CPA6: variants seen among roughly 807,000 people sequenced by gnomAD.
CPA6 encodes the protein carboxypeptidase A6, also known as carboxypeptidase B.
CPA6 carries 58 observed loss-of-function variants against 63.3 expected under a neutral mutation model. The observed-to-expected ratio is 0.92, with a 90% CI of 0.74 to 1.14. The LOEUF (loss-of-function observed/expected upper bound fraction) is 1.14, where lower values mean the gene tolerates loss of function less well. Among genes scored for constraint, CPA6 ranks in the 50% most tolerant of loss-of-function variants. The probability of loss-of-function intolerance (pLI) is 0.00; values close to 1 mark genes in which losing one functional copy is unlikely to be tolerated. For synonymous variants in CPA6, 185 were observed against 179.0 expected, an observed-to-expected ratio of 1.03 and a Z score of -0.27; for missense variants, 565 against 526.6, an observed-to-expected ratio of 1.07 and a Z score of -0.71.
chr8:67,645,136 C>T (rs944718320), intron 1 of CPA6, among the ~76,000 whole-genome samples: 4 of 152,156 alleles, frequency 2.6e-5, no homozygotes, highest in African/African-American at 7.2e-5. Context: ...CACCGCAAGC[C>T]TGAGGTAGGA....
chr8:67,707,454 T>C (rs1157974024), intron 1 of CPA6, among the ~76,000 whole-genome samples: 2 of 152,252 alleles, frequency 1.3e-5, no homozygotes, highest in Non-Finnish European at 2.9e-5. Context: ...CTCTACCTGA[T>C]TTCTCTAAAA....
At chr8:67,620,799 G>T (rs557927958) in intron 2 of CPA6, among the ~76,000 whole-genome samples, 4 of 152,178 alleles carry the variant, frequency 2.6e-5, no homozygotes, top group African/African-American at 9.6e-5. Flanking sequence ...TTAGTGAAAG[G>T]AAATGAAGAA....
chr8:67,668,016 T>C (rs10102459), intron 1 of CPA6, among the ~76,000 whole-genome samples: 69,857 of 152,110 alleles, frequency 0.46, 18,933 homozygotes, highest in African/African-American at 0.77. Flanking sequence ...CTTGGGCTGG[T>C]GCTGGTCACA....
intron 1 of CPA6, among the ~76,000 whole-genome samples, chr8:67,653,536 C>G (rs1433907789): frequency 9.2e-5 from 14 of 151,660 alleles, no homozygotes; most frequent in South Asian, 4.2e-4. Flanking sequence ...TGATTTGGCT[C>G]TCTGTTTGTC....
intron 2 of CPA6, among the ~76,000 whole-genome samples, chr8:67,595,241 G>C (rs1814292451): frequency 6.6e-6 from 1 of 152,204 alleles, no homozygotes; most frequent in Admixed American, 6.5e-5. Flanking sequence ...TCCTCTGGAA[G>C]TTTTGTCTCA....
At chr8:67,712,928 TG>T (rs1332031501) in intron 1 of CPA6, among the ~76,000 whole-genome samples, 2 of 151,690 alleles carry the variant, frequency 1.3e-5, no homozygotes, top group African/African-American at 4.8e-5. Flanking sequence ...TTACAGTCCT[TG>T]GGTTCCAGGA....
intron 8 of CPA6, among the ~76,000 whole-genome samples, chr8:67,455,018 A>G (rs1392539833): frequency 6.6e-6 from 1 of 152,048 alleles, no homozygotes; most frequent in African/African-American, 2.4e-5. Context: ...CAAAGAAGAG[A>G]CTCAATGGAG....
chr8:67,588,867 TG>T (rs1321262495), intron 2 of CPA6, among the ~76,000 whole-genome samples: 2 of 152,062 alleles, frequency 1.3e-5, no homozygotes, highest in Non-Finnish European at 2.9e-5. Flanking sequence ...GGGCCAGGGG[TG>T]GTGGCTCATG....
intron 2 of CPA6, among the ~76,000 whole-genome samples, chr8:67,559,779 T>C (rs1013336136): frequency 1.3e-5 from 2 of 151,784 alleles, no homozygotes; most frequent in African/African-American, 4.8e-5. Context: ...GGCAACAAGA[T>C]GGGAAATTTG....
intron 2 of CPA6, among the ~76,000 whole-genome samples, chr8:67,614,108 C>T (rs1241561545): frequency 1.3e-5 from 2 of 152,160 alleles, no homozygotes; most frequent in Non-Finnish European, 2.9e-5. Context: ...GTCACTGGCC[C>T]TCTGCCCTTG....
chr8:67,668,790 G>A (rs1408686014), intron 1 of CPA6, among the ~76,000 whole-genome samples: 1 of 151,406 alleles, frequency 6.6e-6, no homozygotes, highest in East Asian at 1.9e-4. Flanking sequence ...AGCACATAAT[G>A]AAGAGAGGAA....
intron 2 of CPA6, among the ~76,000 whole-genome samples, chr8:67,592,755 G>A (rs1814169616): frequency 6.6e-6 from 1 of 152,024 alleles, no homozygotes; most frequent in Non-Finnish European, 1.5e-5. Flanking sequence ...ATTTTTTATT[G>A]CGTCTATTTG....
rs773141342 is a variant in CPA6 at position 67,484,837 on chromosome 8, G to A, written c.637-48C>T. On this transcript the variant is annotated intron_variant, in intron 6 of 10. Transcript: ENST00000297770. ...TTCTTTTAAATTGGTCCCCAAAAGA[G>A]GAAAAAAGAGTGTGAGATATCCTTT... The A allele has an allele frequency of 7.2e-5, 73 of 1,020,608 alleles. No homozygotes were observed. In the East Asian group the frequency reaches 1.6e-3, roughly 23 times the overall value. The allele number at this position is 1,020,608 out of a possible 1,614,324, so 63.2% of individuals were successfully genotyped here. A position where few individuals can be genotyped will look rare whatever the true frequency, so the allele number is the denominator to read the frequency against.
At chr8:67,495,931 T>C (rs1458116924) in intron 6 of CPA6, among the ~76,000 whole-genome samples, 1 of 152,204 alleles carries the variant, frequency 6.6e-6, no homozygotes, top group African/African-American at 2.4e-5. Flanking sequence ...AGCAGCATTA[T>C]ATGGCATTAG....
chr8:67,679,450 T>C (rs1017567770), intron 1 of CPA6, among the ~76,000 whole-genome samples: 1 of 152,250 alleles, frequency 6.6e-6, no homozygotes. Context: ...TTAATGCCTC[T>C]GAAAGTCTTT....
intron 2 of CPA6, among the ~76,000 whole-genome samples, chr8:67,523,663 G>A (rs1812305049): frequency 1.3e-5 from 2 of 152,216 alleles, no homozygotes; most frequent in African/African-American, 4.8e-5. Context: ...CAATGTCATG[G>A]CTCTTGGTTC....
At chr8:67,543,508 C>G (rs1191261330) in intron 2 of CPA6, among the ~76,000 whole-genome samples, 1 of 152,098 alleles carries the variant, frequency 6.6e-6, no homozygotes, top group Non-Finnish European at 1.5e-5. Flanking sequence ...ACAATCAGAC[C>G]AGAAACTACA....
chr8:67,436,238 G>A (rs1251748956), intron 8 of CPA6, among the ~76,000 whole-genome samples: 1 of 152,134 alleles, frequency 6.6e-6, no homozygotes, highest in Non-Finnish European at 1.5e-5. Context: ...GAGGCGAGAG[G>A]CAAGGCGAAG....
rs375541117 is a variant in CPA6, at chr8:67,559,786, T to C, written c.193-41739A>G. On this transcript the variant is annotated intron_variant, in intron 2 of 10. Transcript: ENST00000297770. ...TCAGAGAAGGCAACAAGATGGGAAA[T>C]TTGTCTGTAGCCTCATAAACAGGAT... Among the ~76,000 whole-genome samples the C allele has an allele frequency of 2.0e-5, 3 of 151,990 alleles. No individual in the cohort carries two copies. In the South Asian group the frequency reaches 6.2e-4, roughly 32 times the overall value.
Sources: gnomAD v4.1 joint callset for allele counts (sites outside exome capture counted in the v4.1 genomes callset) on GRCh38, gnomAD v4.1.1 for gene constraint, MANE v1.5 for transcripts, NCBI Gene and HGNC (gene_info 2026-07-23, HGNC 2026-07-21) for gene names.